IKZF3: variants seen among roughly 807,000 people sequenced by gnomAD.
IKZF3 encodes IKAROS family zinc finger 3.
A neutral mutation model predicts 49.0 loss-of-function variants in IKZF3; 10 were observed. The ratio of observed to expected loss-of-function variants is 0.20; its 90% CI spans 0.13 to 0.35. IKZF3 has a LOEUF of 0.35. IKZF3 is among the 10% of genes least tolerant of loss of function. The probability of loss-of-function intolerance (pLI) is 1.00; values close to 1 mark genes in which losing one functional copy is unlikely to be tolerated. For synonymous variants in IKZF3, 209 were observed against 228.2 expected (o/e 0.92, Z 0.76); for missense variants, 498 against 664.8 (o/e 0.75, Z 2.76).
intron 3 of IKZF3, among the ~76,000 whole-genome samples, chr17:39,810,350 G>T (rs1352268034): frequency 6.6e-6 from 1 of 152,094 alleles, no homozygotes; most frequent in Non-Finnish European, 1.5e-5. Context: ...TTAAACAAAA[G>T]AATACAGTTT....
chr17:39,858,270 G>A (rs528361844), intron 1 of IKZF3, among the ~76,000 whole-genome samples: 1 of 152,054 alleles, frequency 6.6e-6, no homozygotes, highest in Non-Finnish European at 1.5e-5. Flanking sequence ...ACCAGCCTGG[G>A]TAACATAGCA....
At chr17:39,801,064 C>T (rs12937330) in intron 3 of IKZF3, among the ~76,000 whole-genome samples, 1 of 151,946 alleles carries the variant, frequency 6.6e-6, no homozygotes, top group Non-Finnish European at 1.5e-5. Flanking sequence ...TCCAACTCTA[C>T]GAAGGACAAA....
At chr17:39,789,935 T>C (rs2060976100) in intron 5 of IKZF3, among the ~76,000 whole-genome samples, 1 of 151,268 alleles carries the variant, frequency 6.6e-6, no homozygotes, top group Non-Finnish European at 1.5e-5. Flanking sequence ...AAAAATGAAT[T>C]GTAAAAATGA....
chr17:39,778,011 C>A, intron 6 of IKZF3: 1 of 1,170,968 alleles, frequency 8.5e-7, no homozygotes. Flanking sequence ...CAACCAGTAC[C>A]TTCATTAGCA....
At chr17:39,824,747 G>C (rs2061911270) in intron 3 of IKZF3, among the ~76,000 whole-genome samples, 2 of 151,450 alleles carry the variant, frequency 1.3e-5, no homozygotes, top group African/African-American at 4.9e-5. Context: ...CCAGGCTGGA[G>C]TGCAGTGGCG....
intron 1 of IKZF3, among the ~76,000 whole-genome samples, chr17:39,848,992 T>C (rs901434538): frequency 6.6e-6 from 1 of 152,144 alleles, no homozygotes; most frequent in African/African-American, 2.4e-5. Context: ...AAAGAATTCT[T>C]TAGCAAGATA....
intron 6 of IKZF3, among the ~76,000 whole-genome samples, chr17:39,783,952 C>CAA (rs200517680): frequency 6.7e-6 from 1 of 149,718 alleles, no homozygotes; most frequent in Non-Finnish European, 1.5e-5. Context: ...AAAAACAAAA[C>CAA]AAAAAAAAAT....
At chr17:39,767,585 T>C (rs554000611) in intron 7 of IKZF3, among the ~76,000 whole-genome samples, 2 of 152,226 alleles carry the variant, frequency 1.3e-5, no homozygotes, top group Admixed American at 6.5e-5. Context: ...CCTAGTCATG[T>C]TGAGATTCCA....
chr17:39,843,086 G>C (rs972118758), intron 1 of IKZF3, among the ~76,000 whole-genome samples: 12 of 152,206 alleles, frequency 7.9e-5, no homozygotes, highest in African/African-American at 2.9e-4. Context: ...AACTGTTCCA[G>C]ACTGAAGGAG....
At chr17:39,832,702 T>C (rs2062148251) in intron 1 of IKZF3, among the ~76,000 whole-genome samples, 1 of 151,960 alleles carries the variant, frequency 6.6e-6, no homozygotes, top group East Asian at 1.9e-4. Flanking sequence ...AGGTGGAAAG[T>C]AGAATGATAG....
At chr17:39,774,255 G>T (rs574872459) in intron 7 of IKZF3, among the ~76,000 whole-genome samples, 2 of 152,244 alleles carry the variant, frequency 1.3e-5, no homozygotes, top group South Asian at 4.1e-4. Flanking sequence ...AGGATTAAAG[G>T]GAATGACTCA....
At chr17:39,772,786 G>A (rs1291286357) in intron 7 of IKZF3, among the ~76,000 whole-genome samples, 1 of 152,146 alleles carries the variant, frequency 6.6e-6, no homozygotes, top group African/African-American at 2.4e-5. Context: ...CCTTGAGGGA[G>A]AACAATTGCC....
chr17:39,812,738 G>A (rs1297023244), intron 3 of IKZF3, among the ~76,000 whole-genome samples: 1 of 152,162 alleles, frequency 6.6e-6, no homozygotes, highest in African/African-American at 2.4e-5. Context: ...AGGCACATAA[G>A]GGTGTTTCAT....
intron 1 of IKZF3, among the ~76,000 whole-genome samples, chr17:39,850,373 GTA>G (rs2144500687): frequency 7.9e-6 from 1 of 127,182 alleles, no homozygotes; most frequent in African/African-American, 3.0e-5. Context: ...TATTATATAT[GTA>G]TATATAATAT....
At position 39,829,297 on chromosome 17, in the gene IKZF3, A is replaced by G; in HGVS notation, c.163+90T>C. On this transcript the variant is annotated intron_variant, in intron 3 of 7. Transcript: ENST00000346872. The stretch of plus-strand genomic sequence containing the variant: ...CACTCCTAACTAAACCTACAATTGC[A>G]AGTTTTCCTTGGAGAGCTGATTTCT... The G allele has an allele frequency of 3.5e-6, 3 of 852,030 alleles. No homozygotes were observed. The South Asian group carries it at 5.1e-5, about 15-fold the overall frequency. 52.8% of individuals were successfully genotyped at this position (852,030 alleles called of 1,614,324 possible).
intron 1 of IKZF3, chr17:39,839,421 A>T (rs1490887375): frequency 1.7e-6 from 1 of 596,722 alleles, no homozygotes; most frequent in Non-Finnish European, 3.2e-6. Context: ...GTTGTACCTG[A>T]TTTTATTACC....
In IKZF3 at chr17:39,762,358, A is replaced by C. The variant is rs911050356; in HGVS notation, c.*3432T>G. The C allele has an allele frequency of 6.6e-6, 1 of 152,240 alleles. No homozygotes were observed. Among genetic ancestry groups the C allele is most frequent in the African/African-American group, 2.4e-5 (1 of 41,456 alleles). 9.4% of individuals were successfully genotyped at this position (152,240 alleles called of 1,614,324 possible). A position where few individuals can be genotyped will look rare whatever the true frequency, so the allele number is the denominator to read the frequency against. On this transcript the variant is annotated 3_prime_UTR_variant, in exon 8 of 8. Coordinates refer to ENST00000346872, the MANE Select transcript of IKZF3 (RefSeq NM_012481.5). ...ATATCTGGTTCAACTTCAAGACTTA[A>C]GGATGCAGAGTTTCCACACATAAAT...
At chr17:39,859,285 ACAAT>A (rs1025029865) in intron 1 of IKZF3, among the ~76,000 whole-genome samples, 2 of 151,674 alleles carry the variant, frequency 1.3e-5, no homozygotes, top group African/African-American at 4.8e-5. Flanking sequence ...TACTTTTCAA[ACAAT>A]CTATATATAT....
At chr17:39,798,946 A>G (rs1468806801) in intron 3 of IKZF3, among the ~76,000 whole-genome samples, 1 of 151,976 alleles carries the variant, frequency 6.6e-6, no homozygotes, top group Non-Finnish European at 1.5e-5. Context: ...TCCCCAATAA[A>G]TATGTAAACT....
Sources: allele counts gnomAD v4.1 joint callset (sites outside exome capture counted in the v4.1 genomes callset), GRCh38; gene constraint gnomAD v4.1.1; transcripts MANE v1.5; gene names NCBI Gene and HGNC (gene_info 2026-07-23, HGNC 2026-07-21).